Variants in CMYA5 observed in about 807,000 individuals in gnomAD.
CMYA5 encodes cardiomyopathy associated 5.
In CMYA5, 246 loss-of-function variants were observed where a neutral mutation model predicts 318.9. That is an observed-to-expected ratio of 0.77 (90% CI 0.70 to 0.86). CMYA5 has a LOEUF of 0.86. CMYA5 is among the 40% of genes least tolerant of loss of function. The pLI is 0.00. For synonymous variants in CMYA5, 1,641 were observed against 1,729.5 expected (o/e 0.95, Z 1.27); for missense variants, 4,589 against 4,678.2 (o/e 0.98, Z 0.56).
At chr5:79,772,183 G>T (rs915743644) in intron 9 of CMYA5, among the ~76,000 whole-genome samples, 15 of 151,972 alleles carry the variant, frequency 9.9e-5, no homozygotes, top group Middle Eastern at 3.4e-3. Context: ...AAAACATAAG[G>T]CTTGTCATTA....
rs1162301221 is a variant in CMYA5 at position 79,731,090 on chromosome 5, A to G, written c.2325A>G (p.Ser775=). 1 of 1,613,880 alleles carries G rather than the reference A, an allele frequency of 6.2e-7. No homozygotes were observed. Among genetic ancestry groups the G allele is most frequent in the African/African-American group, 1.3e-5 (1 of 74,926 alleles). Residue 775 remains serine (S), a synonymous_variant, in exon 2 of 13, where the codon TCA becomes TCG. Coordinates refer to ENST00000446378, the MANE Select transcript of CMYA5 (RefSeq NM_153610.5). ...CQSPLPSTAT[S]EHVVPSEGED... ...CACCACTGCCTTCTACTGCCACATC[A>G]GAACACGTGGTCCCATCAGAAGGAG...
chr5:79,768,395 C>T (rs960356518), intron 9 of CMYA5, among the ~76,000 whole-genome samples: 5 of 151,774 alleles, frequency 3.3e-5, no homozygotes, highest in East Asian at 1.9e-4. Context: ...TTCACAGTGT[C>T]GACGGTCTTT....
chr5:79,770,461 C>T (rs1046227293), intron 9 of CMYA5, among the ~76,000 whole-genome samples: 2 of 152,174 alleles, frequency 1.3e-5, no homozygotes, highest in Non-Finnish European at 2.9e-5. Flanking sequence ...TCCTGGTCTA[C>T]AGGTTGTGAA....
At chr5:79,708,149 A>G (rs1246992484) in intron 1 of CMYA5, among the ~76,000 whole-genome samples, 2 of 152,228 alleles carry the variant, frequency 1.3e-5, no homozygotes, top group African/African-American at 4.8e-5. Flanking sequence ...GCTAATAAGT[A>G]ATGAAGCCAG....
chr5:79,731,286 A>G lies in CMYA5; in HGVS notation c.2521A>G (p.Ile841Val). ...TVLSVDGKEV[I>V]GPSSPDLVVA... ...TCTGTCAGTAGACGGCAAGGAGGTC[A>G]TTGGACCATCTTCCCCAGATTTGGT... Residue 841 changes from isoleucine to valine, a missense_variant, in exon 2 of 13, where the codon ATT (isoleucine) becomes GTT (valine). By Grantham distance (29) the Ile-to-Val change is conservative. Around this residue, in one of 3 missense-constraint regions of CMYA5, gnomAD observed 2,132 missense variants for 2,131.3 expected, o/e 1.00. Coordinates refer to ENST00000446378, the MANE Select transcript of CMYA5 (RefSeq NM_153610.5). 1 of 1,613,808 alleles carries G rather than the reference A, an allele frequency of 6.2e-7. No individual in the cohort carries two copies. The highest frequency in any genetic ancestry group is 8.5e-7 in the Non-Finnish European group (1 of 1,179,824).
In CMYA5 at chr5:79,737,796, GA is replaced by G; in HGVS notation, c.9036del (p.Val3013LeufsTer4). ...HKTLKSRLED[E>X]KVTPLKENKQ... ...AACATTAAAGAGCAGGTTAGAAGAT[GA>G]AAAAGTTACCCCATTGAAAGAAAAT... On this transcript the variant is annotated frameshift_variant, in exon 2 of 13. Transcript: ENST00000446378. LOFTEE classifies it high-confidence loss of function. 1 of 1,609,964 alleles carries G rather than the reference GA, an allele frequency of 6.2e-7. No homozygotes were observed. Among genetic ancestry groups the G allele is most frequent in the Admixed American group, 1.7e-5 (1 of 59,198 alleles).
In CMYA5 at chr5:79,743,827, G is replaced by A. The variant is rs1251249733; in HGVS notation, c.10639G>A (p.Val3547Ile). The A allele has an allele frequency of 2.7e-6, 4 of 1,505,224 alleles. No homozygotes were observed. In the Admixed American group the frequency reaches 8.1e-5, roughly 30 times the overall value. The allele number at this position is 1,505,224 out of a possible 1,614,324, so 93.2% of individuals were successfully genotyped here. A position where few individuals can be genotyped will look rare whatever the true frequency, so the allele number is the denominator to read the frequency against. The change falls in exon 3 of 13, where the codon GTT (valine) becomes ATT (isoleucine). Residue 3547 changes from valine to isoleucine, a missense_variant and splice_region_variant. By Grantham distance (29) the Val-to-Ile change is conservative. Transcript: ENST00000446378. ...TLDTAISAVK[V>I]QLAEFLENLQ... ...AGGATATCTTAATTCTTTTCTTCAG[G>A]TTCAATTAGCAGAATTTCTAGAAAA...
In CMYA5 at chr5:79,730,720, C is replaced by G. The variant is rs776552644; in HGVS notation, c.1955C>G (p.Ser652Cys). 3.8e-5 allele frequency: 61 copies of G among 1,613,736 alleles called. 1 individual carries two copies. The highest frequency in any genetic ancestry group is 4.9e-5 in the Non-Finnish European group (58 of 1,179,824). The stretch of plus-strand genomic sequence containing the variant: ...GCTGCAGCCCCTACATCTGAGAGCT[C>G]TCTCTCACCATCCACAACTGAGAAG... ...SPAAAPTSES[S>C]LSPSTTEKTS... is the part of the protein sequence containing the mutation. Residue 652 changes from serine to cysteine, a missense_variant, in exon 2 of 13, where the codon TCT becomes TGT. By Grantham distance (112) the Ser-to-Cys change is moderately radical (BLOSUM62 -1). Coordinates refer to ENST00000446378, the MANE Select transcript of CMYA5 (RefSeq NM_153610.5).
Position 79,729,558 on chromosome 5 carries a change from G to T in CMYA5, c.793G>T (p.Ala265Ser). Reference protein sequence around the residue: ...KEIHYRKGKDASISLEPDLDN... With the variant: ...KEIHYRKGKDSSISLEPDLDN... ...AATACATTATAGGAAAGGGAAAGATGCATCCATTAGTCTAGAGCCAGATTT... is the reference window on the plus strand; with the variant it reads ...AATACATTATAGGAAAGGGAAAGATTCATCCATTAGTCTAGAGCCAGATTT... Residue 265 changes from alanine to serine, a missense_variant, in exon 2 of 13, where the codon GCA becomes TCA. Ala to Ser is a moderately conservative substitution (Grantham distance 99). Coordinates refer to ENST00000446378, the MANE Select transcript of CMYA5 (RefSeq NM_153610.5). The T allele has an allele frequency of 1.2e-6, 2 of 1,613,376 alleles. No homozygotes were observed. Among genetic ancestry groups the T allele is most frequent in the Non-Finnish European group, 1.7e-6 (2 of 1,179,346 alleles).
Position 79,738,544 on chromosome 5 carries a change from A to T in CMYA5, c.9779A>T (p.Gln3260Leu). Residue 3260 changes from glutamine (Q) to leucine (L), a missense_variant, in exon 2 of 13, where the codon CAA becomes CTA. Coordinates refer to ENST00000446378, the MANE Select transcript of CMYA5 (RefSeq NM_153610.5). ...DTSLTQKDQG[Q>L]GLEEKRVGKD... ...TCTCTAACTCAAAAGGACCAGGGCC[A>T]AGGTCTGGAAGAAAAACGAGTTGGT... 1 of 1,613,508 alleles carries T rather than the reference A, an allele frequency of 6.2e-7. No individual in the cohort carries two copies. Among genetic ancestry groups the T allele is most frequent in the Non-Finnish European group, 8.5e-7 (1 of 1,179,872 alleles).
Position 79,789,003 on chromosome 5 carries a change from A to C in CMYA5, c.11588A>C (p.Lys3863Thr), listed in dbSNP as rs766176484. The change falls in exon 10 of 13, where the codon AAA becomes ACA. Residue 3863 changes from lysine to threonine, a missense_variant. Transcript: ENST00000446378. ...SFSGIKGLQL[K>T]VNLQPNDNYF... is the part of the protein sequence containing the mutation. ...TCTGGAATCAAAGGACTCCAGCTGA[A>C]AGTTAACCTCCAACCCAATGATAAC... 6.2e-7 allele frequency: 1 copy of C among 1,613,896 alleles called. No individual in the cohort carries two copies. The highest frequency in any genetic ancestry group is 1.1e-5 in the South Asian group (1 of 91,074).
chr5:79,720,663 T>A (rs1350602610), intron 1 of CMYA5, among the ~76,000 whole-genome samples: 1 of 152,142 alleles, frequency 6.6e-6, no homozygotes, highest in Non-Finnish European at 1.5e-5. Flanking sequence ...CTTGAACTCC[T>A]GACCTCAAGT....
In CMYA5 at chr5:79,729,003, G is replaced by T; in HGVS notation, c.238G>T (p.Asp80Tyr). 1.2e-6 allele frequency: 2 copies of T among 1,613,900 alleles called. No individual in the cohort carries two copies. Among genetic ancestry groups the T allele is most frequent in the Non-Finnish European group, 1.7e-6 (2 of 1,179,820 alleles). Residue 80 changes from aspartate to tyrosine, a missense_variant, in exon 2 of 13, where the codon GAT (aspartate) becomes TAT (tyrosine). Asp to Tyr is a radical substitution (Grantham distance 160). Around this residue, in one of 3 missense-constraint regions of CMYA5, gnomAD observed 2,132 missense variants for 2,131.3 expected, o/e 1.00. Coordinates refer to ENST00000446378, the MANE Select transcript of CMYA5 (RefSeq NM_153610.5). Reference sequence around the variant, plus strand: ...TTCCATGGTGACAGTCCAAAGGGAAGATAGTGGGATAACCTGGGAAACCAA... The same window carrying T: ...TTCCATGGTGACAGTCCAAAGGGAATATAGTGGGATAACCTGGGAAACCAA... ...SFSMVTVQRE[D>Y]SGITWETNSS...
At chr5:79,784,829 GT>G (rs1193226645) in intron 9 of CMYA5, among the ~76,000 whole-genome samples, 1 of 150,678 alleles carries the variant, frequency 6.6e-6, no homozygotes, top group Non-Finnish European at 1.5e-5. Context: ...GCACTCCCTA[GT>G]GAGATGAACC....
chr5:79,710,968 G>A (rs1827377506), intron 1 of CMYA5, among the ~76,000 whole-genome samples: 1 of 152,074 alleles, frequency 6.6e-6, no homozygotes. Context: ...TGATTTTGGG[G>A]ATGCAAAGTT....
intron 1 of CMYA5, among the ~76,000 whole-genome samples, chr5:79,713,280 CCACCCCGCTG>C (rs999796617): frequency 1.3e-4 from 16 of 121,928 alleles, no homozygotes; most frequent in East Asian, 6.2e-4. Flanking sequence ...AGGACAGTCC[CCACCCCGCTG>C]CACCCCGCCC....
rs1454391239 is a variant in CMYA5 at position 79,797,393 on chromosome 5, G to T, written c.11964-1977G>T. The stretch of plus-strand genomic sequence containing the variant: ...CAGGGTTATTAAAATTTACTCTAAG[G>T]ACTTACATTTCACATAGTAATTCTT... On this transcript the variant is annotated intron_variant, in intron 12 of 12. Transcript: ENST00000446378. Among the ~76,000 whole-genome samples, 4 of 152,220 alleles carry T rather than the reference G, an allele frequency of 2.6e-5. No homozygotes were observed. In the South Asian group the frequency reaches 8.3e-4, roughly 32 times the overall value.
At position 79,789,047 on chromosome 5, in the gene CMYA5, G is replaced by A. The variant is rs781439380; in HGVS notation, c.11632G>A (p.Ala3878Thr). The A allele has an allele frequency of 1.2e-6, 2 of 1,613,870 alleles. No individual in the cohort carries two copies. Among genetic ancestry groups the A allele is most frequent in the African/African-American group, 2.7e-5 (2 of 75,034 alleles). The change falls in exon 10 of 13, where the codon GCC (alanine) becomes ACC (threonine). Residue 3878 changes from alanine (A) to threonine (T), a missense_variant. Transcript: ENST00000446378. ...PNDNYFFYVR[A>T]INAFGTSEQS... The stretch of plus-strand genomic sequence containing the variant: ...TGATAACTACTTTTTCTATGTGAGG[G>A]CCATCAATGCATTTGGGACAAGTGA...
At chr5:79,793,168 T>G (rs1829208180) in intron 11 of CMYA5, among the ~76,000 whole-genome samples, 1 of 152,220 alleles carries the variant, frequency 6.6e-6, no homozygotes, top group African/African-American at 2.4e-5. Context: ...ATTTCCTGAT[T>G]CCCAGCTCTT....
Sources: allele counts gnomAD v4.1 joint callset (sites outside exome capture counted in the v4.1 genomes callset), GRCh38; gene constraint gnomAD v4.1.1; regional missense constraint gnomAD v4.1.1; transcripts MANE v1.5; gene names NCBI Gene and HGNC (gene_info 2026-07-23, HGNC 2026-07-21).